Variants in AKAP9 observed in about 807,000 individuals in gnomAD.
AKAP9 encodes A-kinase anchor protein 9.
AKAP9 carries 311 observed loss-of-function variants against 488.5 expected under a neutral mutation model. The ratio of observed to expected loss-of-function variants is 0.64; its 90% CI spans 0.58 to 0.70. The LOEUF (loss-of-function observed/expected upper bound fraction) is 0.70. AKAP9 is among the 30% of genes least tolerant of loss of function. The probability of loss-of-function intolerance (pLI) is 0.00; values close to 1 mark genes in which losing one functional copy is unlikely to be tolerated. For missense variants in AKAP9, 4,215 were observed against 4,374.5 expected (o/e 0.96, Z 1.03); for synonymous variants, 1,462 against 1,483.5 (o/e 0.99, Z 0.33).
chr7:92,103,577 C>A lies in AKAP9; in HGVS notation c.11330+751C>A, dbSNP rs191465014. On this transcript the variant is annotated intron_variant, in intron 46 of 49. Transcript: ENST00000356239. ...AGGCGTGGTGGCGGGTGCCTGTAGTCCCAGCTACTTGGGAGGCTGAGGCAG... is the reference window on the plus strand; with the variant it reads ...AGGCGTGGTGGCGGGTGCCTGTAGTACCAGCTACTTGGGAGGCTGAGGCAG... 2.5e-3 allele frequency among the ~76,000 whole-genome samples: 383 copies of A among 151,642 alleles called. 1 individual carries two copies. Among genetic ancestry groups the A allele is most frequent in the African/African-American group, 9.0e-3 (371 of 41,304 alleles).
rs141700043 is a variant in AKAP9, at chr7:91,963,088, ATCTTT to A, written c.49-10616_49-10612del. On this transcript the variant is annotated intron_variant, in intron 1 of 49. Transcript: ENST00000356239. ...TTTGGTTTTGCATTCTCTCTGAGGG[ATCTTT>A]TCTTTTTAAACAATGCACCTAGAAT... Among the ~76,000 whole-genome samples the A allele has an allele frequency of 6.7e-3, 1,027 of 152,214 alleles. 10 individuals are homozygous for A. Among genetic ancestry groups the A allele is most frequent in the African/African-American group, 0.023 (976 of 41,550 alleles).
chr7:91,960,111 T>C (rs1219721362), intron 1 of AKAP9, among the ~76,000 whole-genome samples: 2 of 152,236 alleles, frequency 1.3e-5, no homozygotes, highest in Non-Finnish European at 2.9e-5. Flanking sequence ...ATAGTCATCA[T>C]AATTAGAATT....
At chr7:91,960,521 C>T (rs1040044606) in intron 1 of AKAP9, among the ~76,000 whole-genome samples, 3 of 151,948 alleles carry the variant, frequency 2.0e-5, no homozygotes, top group African/African-American at 4.8e-5. Context: ...TCTTGGTTTC[C>T]ACATTCTTTC....
At chr7:91,986,114 G>A (rs1404705186) in intron 3 of AKAP9, among the ~76,000 whole-genome samples, 3 of 152,244 alleles carry the variant, frequency 2.0e-5, no homozygotes, top group African/African-American at 4.8e-5. Context: ...GGTCTATTCC[G>A]AGATTCTACC....
rs1490213211 is a variant in AKAP9 at position 92,042,099 on chromosome 7, A to G, written c.4971A>G (p.Leu1657=). ...TTTCAGAGAGAGAGAGGGTGCTTTT[A>G]GAGGAGCTGGAAGCACTAAAGCAGC... is the stretch of plus-strand genomic sequence containing the variant. ...NLVSERERVL[L]EELEALKQLS... is the part of the protein sequence containing the mutation. Residue 1657 remains leucine (L), a synonymous_variant, in exon 19 of 50, where the codon TTA becomes TTG. Coordinates refer to ENST00000356239, the MANE Select transcript of AKAP9 (RefSeq NM_005751.5). The G allele has an allele frequency of 3.1e-6, 5 of 1,613,896 alleles. No individual in the cohort carries two copies. Among genetic ancestry groups the G allele is most frequent in the Non-Finnish European group, 4.2e-6 (5 of 1,179,966 alleles).
chr7:92,025,270 G>A (rs1802932030), intron 14 of AKAP9, among the ~76,000 whole-genome samples: 1 of 152,124 alleles, frequency 6.6e-6, no homozygotes, highest in African/African-American at 2.4e-5. Context: ...GGAAACATAG[G>A]CTTACATTGT....
Position 92,102,619 on chromosome 7 carries a change from C to T in AKAP9, c.11123C>T (p.Ala3708Val), listed in dbSNP as rs1817763745. 1 of 1,614,124 alleles carries T rather than the reference C, an allele frequency of 6.2e-7. No individual in the cohort carries two copies. Among genetic ancestry groups the T allele is most frequent in the East Asian group, 2.2e-5 (1 of 44,880 alleles). Residue 3708 changes from alanine to valine, a missense_variant, in exon 46 of 50, where the codon GCA becomes GTA. Coordinates refer to ENST00000356239, the MANE Select transcript of AKAP9 (RefSeq NM_005751.5). ...AGAATTTATGGTAAATACTTGAGGG[C>T]AGAAAGTTTTCGAAAGGCTCTCATT... ...LKRIYGKYLR[A>V]ESFRKALIYQ... is the part of the protein sequence containing the mutation.
intron 7 of AKAP9, among the ~76,000 whole-genome samples, chr7:91,997,963 T>G (rs1051423789): frequency 6.6e-6 from 1 of 152,188 alleles, no homozygotes; most frequent in African/African-American, 2.4e-5. Flanking sequence ...TGAAATGGTC[T>G]TGGTTCCCTA....
In AKAP9 at chr7:91,995,622, T is replaced by G. The variant is rs748330070; in HGVS notation, c.752T>G (p.Leu251Arg). 24 of 1,613,918 alleles carry G rather than the reference T, an allele frequency of 1.5e-5. No homozygotes were observed. Among genetic ancestry groups the G allele is most frequent in the Middle Eastern group, 3.3e-4 (2 of 6,082 alleles). Residue 251 changes from leucine (L) to arginine (R), a missense_variant, in exon 7 of 50, where the codon CTG becomes CGG. By Grantham distance (102) the Leu-to-Arg change is moderately radical. Transcript: ENST00000356239. ...QFQQLQASET[L>R]RNSTHSSTAA... ...TTTCAGTTACAGGCTAGTGAAACTC[T>G]GAGAAACAGCACTCATAGTAGCACA...
chr7:92,102,929 A>G (rs939542909), intron 46 of AKAP9, 103 bp downstream of exon 46: 3 of 1,066,828 alleles, frequency 2.8e-6, no homozygotes, highest in Non-Finnish European at 4.2e-6. Context: ...CTATATTTAT[A>G]TAGTAGGAGG....
chr7:92,100,477 G>A (rs1452626006), intron 44 of AKAP9, among the ~76,000 whole-genome samples: 1 of 152,172 alleles, frequency 6.6e-6, no homozygotes, highest in Non-Finnish European at 1.5e-5. Flanking sequence ...GCCTTTTATA[G>A]AAATCCACTT....
In AKAP9 at chr7:92,002,869, G is replaced by A. The variant is rs751049223; in HGVS notation, c.2952G>A (p.Lys984=). 11 of 1,612,702 alleles carry A rather than the reference G, an allele frequency of 6.8e-6. No individual in the cohort carries two copies. The South Asian group carries it at 1.1e-4, about 16-fold the overall frequency. The part of the protein sequence containing the change: ...SFLNEEVKSL[K]QEKEQVSLRC... ...TAAATGAAGAAGTTAAATCTTTAAA[G>A]CAAGAGAAAGAACAAGTTTCATTGA... The change falls in exon 8 of 50, where the codon AAG becomes AAA. Residue 984 remains lysine (K), a synonymous_variant. Transcript: ENST00000356239.
In AKAP9 at chr7:92,097,614, G is replaced by A. The variant is rs770926523; in HGVS notation, c.10427G>A (p.Arg3476Lys). 25 of 1,613,570 alleles carry A rather than the reference G, an allele frequency of 1.5e-5. No homozygotes were observed. The South Asian group carries it at 2.1e-4, about 13-fold the overall frequency. Residue 3476 changes from arginine to lysine, a missense_variant, in exon 42 of 50, where the codon AGA becomes AAA. By Grantham distance (26) the Arg-to-Lys change is conservative. Around this residue, in one of 5 missense-constraint regions of AKAP9, gnomAD observed 1,476 missense variants for 1,477.4 expected, o/e 1.00. Transcript: ENST00000356239. ...EPTTWSLTSD[R>K]TRNWVLQQKI... ...ACCACGTGGAGCTTAACCAGTGATA[G>A]AACTAGAAATTGGGTTCTTCAACAG...
chr7:91,973,421 T>C (rs896743018), intron 1 of AKAP9, among the ~76,000 whole-genome samples: 3 of 152,164 alleles, frequency 2.0e-5, no homozygotes, highest in Non-Finnish European at 2.9e-5. Context: ...CACTAAGCAG[T>C]GAATGACAGT....
intron 21 of AKAP9, 99 bp from the exon 22 acceptor site, chr7:92,052,627 A>G: frequency 1.2e-6 from 1 of 827,946 alleles, no homozygotes; most frequent in Non-Finnish European, 1.9e-6. Flanking sequence ...AAGACCTTAC[A>G]ATTTCCATGA....
At chr7:92,040,966 T>A in intron 18 of AKAP9, 68 bp downstream of exon 18, 2 of 1,284,368 alleles carry the variant, frequency 1.6e-6, no homozygotes, top group Non-Finnish European at 2.2e-6. Flanking sequence ...TTGAACCAGA[T>A]CCCCAATTAA....
At chr7:91,988,181 G>A (rs2130620012) in intron 3 of AKAP9, among the ~76,000 whole-genome samples, 1 of 150,060 alleles carries the variant, frequency 6.7e-6, no homozygotes, top group East Asian at 2.0e-4. Flanking sequence ...ACAAGAAACA[G>A]TATCATCACA....
intron 24 of AKAP9, among the ~76,000 whole-genome samples, chr7:92,064,135 A>G (rs933272895): frequency 1.3e-5 from 2 of 152,144 alleles, no homozygotes; most frequent in Admixed American, 6.6e-5. Context: ...CTTTCAATCT[A>G]TGAGTTTTTA....
rs1810606397 is a variant in AKAP9, at chr7:92,065,382, A to G, written c.6129A>G (p.Glu2043=). 6.2e-7 allele frequency: 1 copy of G among 1,613,276 alleles called. No homozygotes were observed. The highest frequency in any genetic ancestry group is 8.5e-7 in the Non-Finnish European group (1 of 1,179,552). ...QVSRFIELEQ[E]KNTELMDLRQ... is the part of the protein sequence containing the mutation. ...GTAGGTTTATAGAGCTGGAACAAGA[A>G]AAAAATACTGAACTAATGGATTTAA... The change falls in exon 25 of 50, where the codon GAA becomes GAG. Residue 2043 remains glutamate, a synonymous_variant. Transcript: ENST00000356239.
Sources: gnomAD v4.1 joint callset for allele counts (sites outside exome capture counted in the v4.1 genomes callset) on GRCh38, gnomAD v4.1.1 for gene constraint, gnomAD v4.1.1 regional missense constraint, MANE v1.5 for transcripts, NCBI Gene and HGNC (gene_info 2026-07-23, HGNC 2026-07-21) for gene names.